The following KIF13B variants were observed in gnomAD, a reference collection of about 807,000 sequenced individuals.
KIF13B encodes the protein kinesin-like protein KIF13B.
KIF13B carries 127 observed loss-of-function variants against 222.0 expected under a neutral mutation model. The ratio of observed to expected loss-of-function variants is 0.57; its 90% CI spans 0.50 to 0.66. The LOEUF (loss-of-function observed/expected upper bound fraction) is 0.66, where lower values mean the gene tolerates loss of function less well. Among genes scored for constraint, KIF13B ranks in the 30% least tolerant of loss-of-function variants. The pLI, the probability that KIF13B is intolerant of heterozygous loss-of-function variation, is 0.00. For synonymous variants in KIF13B, 976 were observed against 919.0 expected, an observed-to-expected ratio of 1.06 and a Z score of -1.12; for missense variants, 2,173 against 2,379.0, an observed-to-expected ratio of 0.91 and a Z score of 1.80.
At chr8:29,084,170 C>A (rs926731609) in intron 37 of KIF13B, among the ~76,000 whole-genome samples, 1 of 152,194 alleles carries the variant, frequency 6.6e-6, no homozygotes, top group African/African-American at 2.4e-5. Context: ...CCCACCTCGG[C>A]CTCCCAAAGT....
intron 37 of KIF13B, among the ~76,000 whole-genome samples, chr8:29,090,646 T>G (rs1015529103): frequency 2.6e-5 from 4 of 152,214 alleles, no homozygotes; most frequent in African/African-American, 4.8e-5. Context: ...TGGAATGTTC[T>G]GGCTTTACTA....
At chr8:29,165,448 T>C (rs1013587980) in intron 12 of KIF13B, among the ~76,000 whole-genome samples, 2 of 152,204 alleles carry the variant, frequency 1.3e-5, no homozygotes, top group African/African-American at 4.8e-5. Flanking sequence ...ACTAAAAAAT[T>C]ATTTCTTACA....
intron 21 of KIF13B, among the ~76,000 whole-genome samples, chr8:29,137,780 C>G (rs1810632965): frequency 6.6e-6 from 1 of 152,112 alleles, no homozygotes; most frequent in Non-Finnish European, 1.5e-5. Flanking sequence ...AGGTCTGGGA[C>G]AGGAAATACA....
chr8:29,167,287 C>T (rs1812045212), intron 11 of KIF13B, 86 bp downstream of exon 11: 1 of 1,085,990 alleles, frequency 9.2e-7, no homozygotes, highest in Admixed American at 2.0e-5. Context: ...GAGTACTCAT[C>T]CCTCACAGCC....
chr8:29,083,967 T>A (rs1341133769), intron 37 of KIF13B, among the ~76,000 whole-genome samples: 2 of 152,176 alleles, frequency 1.3e-5, no homozygotes, highest in Non-Finnish European at 2.9e-5. Context: ...CAGGCTGGAG[T>A]GTGGTGGTTC....
At chr8:29,145,110 G>A (rs1811001008) in intron 18 of KIF13B, among the ~76,000 whole-genome samples, 1 of 152,164 alleles carries the variant, frequency 6.6e-6, no homozygotes, top group South Asian at 2.1e-4. Context: ...TTCCTCTTCG[G>A]TTTTTGGTGA....
chr8:29,087,086 T>C (rs1339084144), intron 37 of KIF13B, among the ~76,000 whole-genome samples: 1 of 152,238 alleles, frequency 6.6e-6, no homozygotes, highest in East Asian at 1.9e-4. Context: ...GCTTCAGGCT[T>C]ACTTGATTGG....
At chr8:29,074,743 A>G (rs888845664) in intron 38 of KIF13B, among the ~76,000 whole-genome samples, 13 of 152,244 alleles carry the variant, frequency 8.5e-5, no homozygotes, top group African/African-American at 3.1e-4. Context: ...ATTCTTTCTA[A>G]TGATTGTGCC....
intron 32 of KIF13B, among the ~76,000 whole-genome samples, chr8:29,111,047 C>CT (rs1432754920): frequency 6.6e-6 from 1 of 152,132 alleles, no homozygotes; most frequent in African/African-American, 2.4e-5. Flanking sequence ...TTAAATGAGT[C>CT]TTAGAACAGA....
intron 1 of KIF13B, among the ~76,000 whole-genome samples, chr8:29,247,661 T>C (rs1248951480): frequency 6.6e-6 from 1 of 151,400 alleles, no homozygotes; most frequent in Non-Finnish European, 1.5e-5. Flanking sequence ...ACTCTGTCTC[T>C]ACAAAGAAAA....
chr8:29,180,303 A>G (rs1453680482), intron 7 of KIF13B, 65 bp from the exon 8 acceptor site: 3 of 1,501,844 alleles, frequency 2.0e-6, no homozygotes, highest in African/African-American at 2.8e-5. Flanking sequence ...AAATCCTGCT[A>G]TACTACAAAA....
At chr8:29,190,712 T>G (rs775062945) in intron 4 of KIF13B, 43 of 389,022 alleles carry the variant, frequency 1.1e-4, no homozygotes, top group Non-Finnish European at 1.9e-4. Context: ...GGAGCGGTCT[T>G]GTGGGACTGA....
chr8:29,105,369 G>C (rs768538822), intron 35 of KIF13B, among the ~76,000 whole-genome samples: 31 of 152,190 alleles, frequency 2.0e-4, no homozygotes, highest in Non-Finnish European at 3.8e-4. Context: ...TCTGCTCACA[G>C]TGTTCCTTCA....
chr8:29,147,697 C>G, intron 16 of KIF13B, 95 bp from the exon 17 acceptor site: 2 of 884,562 alleles, frequency 2.3e-6, no homozygotes, highest in Non-Finnish European at 3.5e-6. Flanking sequence ...GTCATCTTAA[C>G]TATACCACCT....
At chr8:29,159,461 A>AT (rs923249444) in intron 13 of KIF13B, among the ~76,000 whole-genome samples, 2 of 152,118 alleles carry the variant, frequency 1.3e-5, no homozygotes, top group Non-Finnish European at 2.9e-5. Context: ...ATAATATATC[A>AT]TTTTTTAATA....
intron 13 of KIF13B, among the ~76,000 whole-genome samples, chr8:29,156,845 C>A (rs1233538592): frequency 6.6e-6 from 1 of 151,934 alleles, no homozygotes; most frequent in Non-Finnish European, 1.5e-5. Context: ...TTTCTGCCTA[C>A]TCAGCCTACT....
intron 10 of KIF13B, among the ~76,000 whole-genome samples, chr8:29,175,696 G>C (rs888674574): frequency 6.6e-6 from 1 of 152,228 alleles, no homozygotes; most frequent in South Asian, 2.1e-4. Context: ...CCAACAAAAG[G>C]AGTCTGTGGA....
chr8:29,194,310 T>A (rs534355678), intron 3 of KIF13B, among the ~76,000 whole-genome samples: 1 of 151,062 alleles, frequency 6.6e-6, no homozygotes, highest in South Asian at 2.1e-4. Flanking sequence ...TTTTTTTACT[T>A]GTCTTTCTTT....
rs750650455 is a variant in KIF13B, at chr8:29,132,429, G to A, written c.2821C>T (p.His941Tyr). ...SVNITEDFIE[H>Y]LSEGALAIEV... is the part of the protein sequence containing the mutation. Reference sequence around the variant, plus strand: ...ATTGCCAATGCTCCTTCGGAAAGATGCTCGATAAAGTCTTCGGTGATGTTA... The same window carrying A: ...ATTGCCAATGCTCCTTCGGAAAGATACTCGATAAAGTCTTCGGTGATGTTA... Residue 941 changes from histidine (H) to tyrosine (Y), a missense_variant, in exon 23 of 40, where the codon CAT becomes TAT. By Grantham distance (83) the His-to-Tyr change is moderately conservative. This residue lies in a region of KIF13B where 1,480 missense variants were observed against 1,722.8 expected (regional missense o/e 0.86). Transcript: ENST00000524189. The A allele has an allele frequency of 2.5e-6, 4 of 1,568,700 alleles. No homozygotes were observed. In the East Asian group the frequency reaches 9.4e-5, roughly 37 times the overall value.
Sources: gnomAD v4.1 joint callset for allele counts (sites outside exome capture counted in the v4.1 genomes callset) on GRCh38, gnomAD v4.1.1 for gene constraint, gnomAD v4.1.1 regional missense constraint, MANE v1.5 for transcripts, NCBI Gene and HGNC (gene_info 2026-07-23, HGNC 2026-07-21) for gene names.